Variants in IQCM observed in about 807,000 individuals in gnomAD.
IQCM encodes IQ motif containing M.
A neutral mutation model predicts 57.6 loss-of-function variants in IQCM; 45 were observed. The observed-to-expected ratio is 0.78, with a 90% CI of 0.62 to 1.00. The LOEUF (loss-of-function observed/expected upper bound fraction) is 1.00. Ranked by LOEUF, IQCM falls within the 50% of genes least tolerant of loss-of-function variation. IQCM has a pLI of 0.00. For missense variants in IQCM, 468 were observed against 511.6 expected, an observed-to-expected ratio of 0.91 and a Z score of 0.82; for synonymous variants, 148 against 158.9, an observed-to-expected ratio of 0.93 and a Z score of 0.51.
intron 7 of IQCM, among the ~76,000 whole-genome samples, chr4:149,668,058 AAT>A (rs1760896341): frequency 6.6e-6 from 1 of 152,154 alleles, no homozygotes; most frequent in Non-Finnish European, 1.5e-5. Context: ...CAACATTCAA[AAT>A]CAGGAAATAC....
At chr4:149,722,931 G>C (rs1201626601) in intron 5 of IQCM, among the ~76,000 whole-genome samples, 1 of 151,948 alleles carries the variant, frequency 6.6e-6, no homozygotes, top group East Asian at 1.9e-4. Context: ...ATGAGCATGA[G>C]ATGTTTTTCT....
chr4:149,529,872 T>A (rs1353425761), intron 12 of IQCM, among the ~76,000 whole-genome samples: 1 of 152,180 alleles, frequency 6.6e-6, no homozygotes, highest in East Asian at 1.9e-4. Context: ...CTCCATCATA[T>A]TTACAATAAA....
At chr4:149,619,703 T>C (rs755593675) in intron 8 of IQCM, among the ~76,000 whole-genome samples, 25 of 152,228 alleles carry the variant, frequency 1.6e-4, no homozygotes, top group Non-Finnish European at 2.6e-4. Flanking sequence ...AATGATGTTA[T>C]GGACTAAATT....
intron 7 of IQCM, among the ~76,000 whole-genome samples, chr4:149,631,587 T>C (rs556238783): frequency 1.3e-5 from 2 of 152,214 alleles, no homozygotes; most frequent in Non-Finnish European, 2.9e-5. Flanking sequence ...TACCTTGTGC[T>C]TTTAATTATG....
At position 149,559,645 on chromosome 4, in the gene IQCM, G is replaced by A. The variant is rs146560653; in HGVS notation, c.948+4047C>T. On this transcript the variant is annotated intron_variant, in intron 10 of 13. Transcript: ENST00000636793. ...GACTATGTATGCTCTTCACACACCA[G>A]GCAGGAAATTGGACCCAGTATATAG... Among the ~76,000 whole-genome samples the A allele has an allele frequency of 3.6e-3, 550 of 152,178 alleles. 5 individuals carry two copies. Among genetic ancestry groups the A allele is most frequent in the South Asian group, 0.015 (74 of 4,812 alleles).
chr4:149,481,698 T>TTTTTTTTTTTGTTG lies in IQCM; in HGVS notation c.1229-48142_1229-48141insCAACAAAAAAAAAA, dbSNP rs1299018286. ...AGTCATGTAATGTGATTCTTCCAGTTTTGTTTTTTTTTTTTTTTTTTTTTG... is the reference window on the plus strand; with the variant it reads ...AGTCATGTAATGTGATTCTTCCAGTTTTTTTTTTTTGTTGTTGTTTTTTTTTTTTTTTTTTTTTG... On this transcript the variant is annotated intron_variant, in intron 12 of 13. Transcript: ENST00000636793. Among the ~76,000 whole-genome samples the TTTTTTTTTTTGTTG allele has an allele frequency of 5.5e-4, 77 of 139,424 alleles. 1 individual carries two copies. The highest frequency in any genetic ancestry group is 3.5e-3 in the Middle Eastern group (1 of 282). The allele number at this position is 139,424 out of a possible 152,430, so 91.5% of individuals were successfully genotyped here. A position where few individuals can be genotyped will look rare whatever the true frequency, so the allele number is the denominator to read the frequency against.
chr4:149,442,739 T>A (rs1339099216), intron 12 of IQCM, among the ~76,000 whole-genome samples: 1 of 151,978 alleles, frequency 6.6e-6, no homozygotes, highest in Non-Finnish European at 1.5e-5. Context: ...TCTTTCTGAG[T>A]CCTTATGAGC....
intron 5 of IQCM, among the ~76,000 whole-genome samples, chr4:149,708,121 C>T (rs1764293915): frequency 6.6e-6 from 1 of 152,000 alleles, no homozygotes; most frequent in Non-Finnish European, 1.5e-5. Context: ...TATCTTCACA[C>T]AGTCAGAATG....
chr4:149,449,386 A>G (rs1184164665), intron 12 of IQCM, among the ~76,000 whole-genome samples: 1 of 145,860 alleles, frequency 6.9e-6, no homozygotes, highest in South Asian at 2.1e-4. Context: ...TATTATATAT[A>G]TAATATATAT....
At chr4:149,717,809 A>C (rs1765126056) in intron 5 of IQCM, among the ~76,000 whole-genome samples, 1 of 152,230 alleles carries the variant, frequency 6.6e-6, no homozygotes, top group South Asian at 2.1e-4. Context: ...AACGGGCCTA[A>C]CACTGCTAGG....
At chr4:149,629,372 T>A (rs1757066832) in intron 7 of IQCM, among the ~76,000 whole-genome samples, 1 of 152,198 alleles carries the variant, frequency 6.6e-6, no homozygotes, top group Non-Finnish European at 1.5e-5. Flanking sequence ...ACTAAACATT[T>A]TATTTGGCTT....
chr4:149,804,367 G>A, intron 2 of IQCM, among the ~76,000 whole-genome samples: 1 of 151,992 alleles, frequency 6.6e-6, no homozygotes, highest in East Asian at 1.9e-4. Context: ...TCCACACTCA[G>A]TCTTCAGTAG....
chr4:149,757,828 T>A (rs1769132879), intron 2 of IQCM, among the ~76,000 whole-genome samples: 2 of 152,022 alleles, frequency 1.3e-5, no homozygotes, highest in South Asian at 4.1e-4. Context: ...ACAAAAAGTG[T>A]CCATATTCTA....
intron 2 of IQCM, among the ~76,000 whole-genome samples, chr4:149,792,827 T>A (rs756101945): frequency 2.0e-5 from 3 of 151,814 alleles, no homozygotes; most frequent in Non-Finnish European, 4.4e-5. Flanking sequence ...TTATAGTGAG[T>A]CAGGTAGTAA....
intron 13 of IQCM, among the ~76,000 whole-genome samples, chr4:149,412,635 T>C (rs1733472829): frequency 6.6e-6 from 1 of 152,166 alleles, no homozygotes. Context: ...CCACCTTCCA[T>C]AGTTCAGTAT....
chr4:149,431,543 GT>G (rs1734864089), intron 13 of IQCM, among the ~76,000 whole-genome samples: 1 of 151,882 alleles, frequency 6.6e-6, no homozygotes, highest in African/African-American at 2.4e-5. Context: ...AATTCTATGG[GT>G]TTTGACTTAT....
At chr4:149,783,849 C>G (rs1771836927) in intron 2 of IQCM, among the ~76,000 whole-genome samples, 1 of 152,088 alleles carries the variant, frequency 6.6e-6, no homozygotes, top group African/African-American at 2.4e-5. Context: ...CCTGAGGCAG[C>G]CTCCAGTTGA....
chr4:149,730,335 A>G (rs943742074), intron 5 of IQCM, among the ~76,000 whole-genome samples: 1 of 152,150 alleles, frequency 6.6e-6, no homozygotes, highest in African/African-American at 2.4e-5. Context: ...CTATCTCCTT[A>G]TTGGTCTCTA....
intron 2 of IQCM, among the ~76,000 whole-genome samples, chr4:149,747,643 T>A (rs991130469): frequency 6.6e-6 from 1 of 152,172 alleles, no homozygotes; most frequent in African/African-American, 2.4e-5. Context: ...AATTTATAAT[T>A]ACATAATTAA....
Sources: allele counts gnomAD v4.1 joint callset (sites outside exome capture counted in the v4.1 genomes callset), GRCh38; gene constraint gnomAD v4.1.1; transcripts MANE v1.5; gene names NCBI Gene and HGNC (gene_info 2026-07-23, HGNC 2026-07-21).